Variants in MAP3K12 observed in about 807,000 individuals in gnomAD.
The protein encoded by MAP3K12 is MAPK-upstream kinase.
In MAP3K12, 14 loss-of-function variants were observed where a neutral mutation model predicts 87.5. The ratio of observed to expected loss-of-function variants is 0.16; its 90% CI spans 0.11 to 0.25. The LOEUF (loss-of-function observed/expected upper bound fraction) is 0.25. Ranked by LOEUF, MAP3K12 falls within the 10% of genes least tolerant of loss-of-function variation. The pLI is 1.00. For missense variants in MAP3K12, 802 were observed against 1,140.4 expected, an observed-to-expected ratio of 0.70 and a Z score of 4.27; for synonymous variants, 469 against 452.5, an observed-to-expected ratio of 1.04 and a Z score of -0.46.
At chr12:53,484,823 C>T (rs1943183070) in intron 6 of MAP3K12, 1 of 575,656 alleles carries the variant, frequency 1.7e-6, no homozygotes, top group Non-Finnish European at 3.1e-6. Context: ...CACTTCATGA[C>T]AAATCAGGAA....
chr12:53,481,925 C>CTGT lies in MAP3K12; in HGVS notation c.2580+13_2580+15dup. ...CTCCCTGTTCAATATCTGCTTTTTG[C>CTGT]TGTTGTGCCACTCACCCGCTCTCTG... On this transcript the variant is annotated intron_variant, in intron 13 of 13. Transcript: ENST00000547488. The CTGT allele has an allele frequency of 6.2e-7, 1 of 1,606,452 alleles. No homozygotes were observed. The highest frequency in any genetic ancestry group is 1.1e-5 in the South Asian group (1 of 90,642).
In MAP3K12 at chr12:53,483,042, C is replaced by G. The variant is rs775911278; in HGVS notation, c.1761G>C (p.Gly587=). 8.4e-6 allele frequency: 13 copies of G among 1,552,462 alleles called. 1 individual carries two copies. In the South Asian group the frequency reaches 1.6e-4, roughly 19 times the overall value. ...KTRHRKASAK[G]SCGDLPGLRT... The stretch of plus-strand genomic sequence containing the variant: ...GAAGCCCAGGCAGGTCCCCACAGCT[C>G]CCCTTGGCGCTGGCCTTGCGGTGAC... Residue 587 remains glycine, a synonymous_variant, in exon 11 of 14, where the codon GGG becomes GGC. Coordinates refer to ENST00000547488, the MANE Select transcript of MAP3K12 (RefSeq NM_001193511.2).
At chr12:53,493,797 A>C (rs1477248370) in intron 1 of MAP3K12, 1 of 152,220 alleles carries the variant, frequency 6.6e-6, no homozygotes, top group Non-Finnish European at 1.5e-5. Flanking sequence ...ACTTGCAGCC[A>C]GCCGAGCCTC....
chr12:53,485,340 A>G lies in MAP3K12; in HGVS notation c.957T>C (p.Pro319=). The G allele has an allele frequency of 3.1e-6, 5 of 1,614,042 alleles. No individual in the cohort carries two copies. The South Asian group carries it at 5.5e-5, about 18-fold the overall frequency. The change falls in exon 5 of 14, where the codon CCT becomes CCC. Residue 319 remains proline, a synonymous_variant. Transcript: ENST00000547488. ...ACCAGATGTCGACCTTCTCAGACAC[A>G]GGTTCATTGCGGATCACCTCAGGGG... ...WMAPEVIRNE[P]VSEKVDIWSF...
At position 53,481,253 on chromosome 12, in the gene MAP3K12, A is replaced by AG; in HGVS notation, c.2607dup (p.Cys870LeufsTer2). The AG allele has an allele frequency of 6.4e-7, 1 of 1,566,794 alleles. No homozygotes were observed. Among genetic ancestry groups the AG allele is most frequent in the Non-Finnish European group, 8.6e-7 (1 of 1,156,922 alleles). ...GAGTTGTCCAATTCAGTGCTGTCAC[A>AG]GTCTGAGTCCTCAGAATTGGGAGGG... On this transcript the variant is annotated frameshift_variant, in exon 14 of 14. Transcript: ENST00000547488. LOFTEE classifies it high-confidence loss of function.
rs1419200394 is a variant in MAP3K12, at chr12:53,483,210, A to AAAG, written c.1614-24_1614-22dup. ...CTGGCCTGGAAGAAGAGGAAAAGTA[A>AAAG]AAGGTTAAGACTGCCAAATCTATGT... On this transcript the variant is annotated intron_variant, in intron 10 of 13. Coordinates refer to ENST00000547488, the MANE Select transcript of MAP3K12 (RefSeq NM_001193511.2). 2.0e-6 allele frequency: 3 copies of AAAG among 1,525,728 alleles called. No homozygotes were observed. In the East Asian group the frequency reaches 6.8e-5, roughly 35 times the overall value. 94.5% of individuals were successfully genotyped at this position (1,525,728 alleles called of 1,614,324 possible). A position where few individuals can be genotyped will look rare whatever the true frequency, so the allele number is the denominator to read the frequency against.
intron 4 of MAP3K12, chr12:53,485,799 A>T: frequency 1.9e-6 from 1 of 518,332 alleles, no homozygotes; most frequent in Non-Finnish European, 3.4e-6. Context: ...CTTGTGATCC[A>T]CCCGCCTCGG....
chr12:53,489,047 C>T lies in MAP3K12; in HGVS notation c.-37-1619G>A, dbSNP rs187417696. ...TAAGCCAAGATCACACCACTGCACT[C>T]CAGCCTTGGGCGACAGAGTGAAACT... On this transcript the variant is annotated intron_variant, in intron 1 of 13. Coordinates refer to ENST00000547488, the MANE Select transcript of MAP3K12 (RefSeq NM_001193511.2). 7.6e-3 allele frequency among the ~76,000 whole-genome samples: 1,136 copies of T among 149,034 alleles called. 11 individuals carry two copies. The highest frequency in any genetic ancestry group is 0.013 in the Non-Finnish European group (886 of 67,496).
At chr12:53,481,815 T>G in intron 13 of MAP3K12, 126 bp downstream of exon 13, 30 of 1,183,896 alleles carry the variant, frequency 2.5e-5, no homozygotes, top group Non-Finnish European at 3.1e-5. Flanking sequence ...TTCCACCACG[T>G]GGATATTTGC....
At chr12:53,484,429 G>A (rs118026767) in intron 6 of MAP3K12, 64 bp from the exon 7 acceptor site, 17,945 of 1,226,408 alleles carry the variant, frequency 0.015, 212 homozygotes, top group Middle Eastern at 0.02. Flanking sequence ...AGGAACTGGA[G>A]CATCCTTTCC....
chr12:53,483,414 T>C lies in MAP3K12; in HGVS notation c.1548A>G (p.Gly516=), dbSNP rs115612137. ...KPHPSRGLLH[G]NTMEKLIKKR... ...TCTTGATAAGCTTCTCCATTGTGTTTCCATGCAGGAGGCCCCGGGAAGGGT... is the reference window on the plus strand; with the variant it reads ...TCTTGATAAGCTTCTCCATTGTGTTCCCATGCAGGAGGCCCCGGGAAGGGT... The change falls in exon 10 of 14, where the codon GGA becomes GGG. Residue 516 remains glycine, a synonymous_variant. Coordinates refer to ENST00000547488, the MANE Select transcript of MAP3K12 (RefSeq NM_001193511.2). 5.6e-6 allele frequency: 9 copies of C among 1,614,148 alleles called. No homozygotes were observed. Among genetic ancestry groups the C allele is most frequent in the African/African-American group, 4.0e-5 (3 of 75,042 alleles).
intron 1 of MAP3K12, among the ~76,000 whole-genome samples, chr12:53,491,658 C>T (rs1453473825): frequency 4.0e-5 from 6 of 151,722 alleles, no homozygotes; most frequent in Non-Finnish European, 7.4e-5. Flanking sequence ...TAGTCTCGAT[C>T]TCCTGACCTC....
At chr12:53,484,672 C>G (rs890463150) in intron 6 of MAP3K12, 60 of 443,282 alleles carry the variant, frequency 1.4e-4, no homozygotes, top group Middle Eastern at 6.2e-4. Context: ...GATTAGCAAT[C>G]GTCAAACTTC....
chr12:53,495,367 A>AAAAAAAT (rs1943523446), intron 1 of MAP3K12, among the ~76,000 whole-genome samples: 1 of 143,624 alleles, frequency 7.0e-6, no homozygotes, highest in Non-Finnish European at 1.5e-5. Flanking sequence ...AAAAAAAAAA[A>AAAAAAAT]GGCCAGGCGC....
chr12:53,485,746 C>A, intron 4 of MAP3K12: 1 of 508,128 alleles, frequency 2.0e-6, no homozygotes, highest in Non-Finnish European at 3.5e-6. Flanking sequence ...TTATTAGAGA[C>A]GAGGTTTCAC....
intron 13 of MAP3K12, 39 bp from the exon 14 acceptor site, chr12:53,481,319 G>T: frequency 8.1e-7 from 1 of 1,229,844 alleles, no homozygotes; most frequent in Non-Finnish European, 1.1e-6. Flanking sequence ...ATTCCTTGGG[G>T]TTCTTTGCTG....
intron 10 of MAP3K12, 66 bp from the exon 11 acceptor site, chr12:53,483,255 C>G: frequency 1.9e-6 from 3 of 1,561,962 alleles, no homozygotes; most frequent in South Asian, 1.2e-5. Context: ...ACTCCCTAAC[C>G]TTGGACACTA....
rs201276293 is a variant in MAP3K12, at chr12:53,482,542, T to C, written c.2238+23A>G. ...GAGGATAAGGAAAAAGGGAAAGAGC[T>C]TGGGAGCCTTCCCATACTTTACCTG... On this transcript the variant is annotated intron_variant, in intron 11 of 13. Transcript: ENST00000547488. 3.1e-4 allele frequency: 493 copies of C among 1,596,830 alleles called. 2 individuals are homozygous for C. In the African/African-American group the frequency reaches 5.6e-3, roughly 18 times the overall value.
rs973652649 is a variant in MAP3K12 at position 53,483,702 on chromosome 12, C to T, written c.1380G>A (p.Glu460=). Residue 460 remains glutamate (E), a synonymous_variant, in exon 9 of 14, where the codon GAG becomes GAA. Coordinates refer to ENST00000547488, the MANE Select transcript of MAP3K12 (RefSeq NM_001193511.2). ...CTCTCTCCAGCTTCCTTTCATAGTG[C>T]TCCCTGATGTCCAGGGCGTGTCTGC... ...EELRHALDIR[E]HYERKLERAN... The T allele has an allele frequency of 3.1e-6, 5 of 1,613,984 alleles. No individual in the cohort carries two copies. The highest frequency in any genetic ancestry group is 1.7e-5 in the Admixed American group (1 of 60,020).
Sources: gnomAD v4.1 joint callset for allele counts (sites outside exome capture counted in the v4.1 genomes callset) on GRCh38, gnomAD v4.1.1 for gene constraint, MANE v1.5 for transcripts, NCBI Gene and HGNC (gene_info 2026-07-23, HGNC 2026-07-21) for gene names.